The following NTRK3 variants were observed in gnomAD, a reference collection of about 807,000 sequenced individuals.
NTRK3 encodes neurotrophic receptor tyrosine kinase 3, also known as NT-3 growth factor receptor.
Under a neutral mutation model 91.7 loss-of-function variants are expected in NTRK3, and 24 were observed. That is an observed-to-expected ratio of 0.26 (90% CI 0.19 to 0.37). The LOEUF is 0.37. Among genes scored for constraint, NTRK3 ranks in the 10% least tolerant of loss-of-function variants. The pLI is 1.00. For synonymous variants in NTRK3, 483 were observed against 404.0 expected, an observed-to-expected ratio of 1.20 and a Z score of -2.34; for missense variants, 880 against 1,068.9, an observed-to-expected ratio of 0.82 and a Z score of 2.46.
chr15:88,028,844 G>T (rs2078275791), intron 14 of NTRK3, among the ~76,000 whole-genome samples: 1 of 152,132 alleles, frequency 6.6e-6, no homozygotes, highest in African/African-American at 2.4e-5. Context: ...GATTAACCAA[G>T]AAGCCTTTCA....
intron 14 of NTRK3, among the ~76,000 whole-genome samples, chr15:88,023,320 T>G (rs1030201707): frequency 2.0e-5 from 3 of 152,124 alleles, no homozygotes; most frequent in Middle Eastern, 3.2e-3. Context: ...CATCCCTCCC[T>G]CCAGAGACCT....
chr15:88,104,767 C>T lies in NTRK3; in HGVS notation c.1396+21504G>A, dbSNP rs573523761. ...CAGGGGCAGTGAGGAGAAGGCATTC[C>T]TAAACATCTCATTGGCATCAGCAGG... On this transcript the variant is annotated intron_variant, in intron 13 of 18. Coordinates refer to ENST00000394480, the Ensembl canonical transcript of NTRK3. 6.6e-5 allele frequency among the ~76,000 whole-genome samples: 10 copies of T among 152,290 alleles called. No individual in the cohort carries two copies. The East Asian group carries it at 1.7e-3, about 26-fold the overall frequency.
intron 14 of NTRK3, among the ~76,000 whole-genome samples, chr15:87,944,782 G>A (rs1455401384): frequency 6.6e-6 from 1 of 152,212 alleles, no homozygotes; most frequent in East Asian, 1.9e-4. Context: ...CAAAGCCCTG[G>A]GGAGAAGAGT....
chr15:88,041,205 C>T (rs559744816), intron 13 of NTRK3, among the ~76,000 whole-genome samples: 1 of 152,316 alleles, frequency 6.6e-6, no homozygotes, highest in South Asian at 2.1e-4. Context: ...GACCAGCCCA[C>T]ATAAAATAGC....
intron 17 of NTRK3, among the ~76,000 whole-genome samples, chr15:87,915,300 C>T (rs1429364759): frequency 6.6e-6 from 1 of 152,224 alleles, no homozygotes; most frequent in Non-Finnish European, 1.5e-5. Flanking sequence ...TTCTCTATCC[C>T]CAAGGCTCCA....
intron 14 of NTRK3, among the ~76,000 whole-genome samples, chr15:87,970,386 G>A (rs555890221): frequency 1.3e-5 from 2 of 152,374 alleles, no homozygotes; most frequent in South Asian, 2.1e-4. Context: ...GTAGAAGGCA[G>A]AAGTGAGGGC....
chr15:88,088,169 G>T (rs1421235085), intron 13 of NTRK3, among the ~76,000 whole-genome samples: 1 of 152,182 alleles, frequency 6.6e-6, no homozygotes, highest in Non-Finnish European at 1.5e-5. Flanking sequence ...GAAACCTTCT[G>T]GGCCTCAGTT....
chr15:88,032,831 G>A (rs779989703), intron 14 of NTRK3, 26 bp downstream of exon 14: 1 of 1,613,144 alleles, frequency 6.2e-7, no homozygotes, highest in East Asian at 2.2e-5. Flanking sequence ...TCCCCAGGAG[G>A]GAGAGCATTC....
At chr15:87,974,327 G>A (rs2073526132) in intron 14 of NTRK3, among the ~76,000 whole-genome samples, 1 of 152,162 alleles carries the variant, frequency 6.6e-6, no homozygotes, top group Non-Finnish European at 1.5e-5. Flanking sequence ...GGTCTTTTTA[G>A]GGTGAGCATT....
At chr15:88,205,412 C>G (rs557778727) in intron 3 of NTRK3, among the ~76,000 whole-genome samples, 2 of 152,320 alleles carry the variant, frequency 1.3e-5, no homozygotes, top group Admixed American at 1.3e-4. Context: ...AGCATCTCCC[C>G]AAGGTCCCAC....
intron 15 of NTRK3, among the ~76,000 whole-genome samples, chr15:87,937,353 T>C (rs1031826851): frequency 6.6e-6 from 1 of 152,202 alleles, no homozygotes; most frequent in Non-Finnish European, 1.5e-5. Context: ...CTAGGATGAA[T>C]GCTTTTAAAA....
At chr15:88,113,005 G>A (rs1169173809) in intron 13 of NTRK3, among the ~76,000 whole-genome samples, 1 of 152,164 alleles carries the variant, frequency 6.6e-6, no homozygotes, top group African/African-American at 2.4e-5. Context: ...CCTGGGAAGA[G>A]ATTTTGAAAT....
At chr15:88,136,435 C>A in intron 8 of NTRK3, 32 bp downstream of exon 8, 1 of 1,614,108 alleles carries the variant, frequency 6.2e-7, no homozygotes, top group Non-Finnish European at 8.5e-7. Context: ...ACTCCCTAGC[C>A]TCCTGATGGG....
At chr15:88,097,348 G>C (rs902914794) in intron 13 of NTRK3, among the ~76,000 whole-genome samples, 1 of 152,158 alleles carries the variant, frequency 6.6e-6, no homozygotes, top group Admixed American at 6.5e-5. Flanking sequence ...TATGAAGAGT[G>C]TGATTATGTA....
chr15:88,027,414 G>A (rs1332626732), intron 14 of NTRK3, among the ~76,000 whole-genome samples: 1 of 151,858 alleles, frequency 6.6e-6, no homozygotes. Flanking sequence ...ACAGAGTCTC[G>A]CTCTGTCGCC....
At chr15:87,886,561 A>G (rs1476154927) in intron 17 of NTRK3, among the ~76,000 whole-genome samples, 1 of 151,146 alleles carries the variant, frequency 6.6e-6, no homozygotes, top group Non-Finnish European at 1.5e-5. Context: ...ATGCAAATAT[A>G]TAGTGATACC....
rs539804845 is a variant in NTRK3 at position 87,891,746 on chromosome 15, C to G, written c.2134-11318G>C. Among the ~76,000 whole-genome samples the G allele has an allele frequency of 3.3e-5, 5 of 152,200 alleles. No individual in the cohort carries two copies. The East Asian group carries it at 9.7e-4, about 29-fold the overall frequency. On this transcript the variant is annotated intron_variant, in intron 17 of 18. Transcript: ENST00000394480. ...CCCACTAACCTCCTATTAATAGGCA[C>G]TTTGATTGTTTCCAGTCTTTTGTTA...
intron 3 of NTRK3, among the ~76,000 whole-genome samples, chr15:88,211,852 T>C (rs2049274894): frequency 6.6e-6 from 1 of 152,272 alleles, no homozygotes; most frequent in African/African-American, 2.4e-5. Flanking sequence ...CATGTTCTTA[T>C]ATTTCTACAA....
chr15:88,082,892 A>ATTTG (rs2048183706), intron 13 of NTRK3, among the ~76,000 whole-genome samples: 1 of 152,174 alleles, frequency 6.6e-6, no homozygotes, highest in Non-Finnish European at 1.5e-5. Flanking sequence ...CTTGCCCAAA[A>ATTTG]GGCTCTCAGG....
Sources: gnomAD v4.1 joint callset for allele counts (sites outside exome capture counted in the v4.1 genomes callset) on GRCh38, gnomAD v4.1.1 for gene constraint, MANE v1.5 for transcripts, NCBI Gene and HGNC (gene_info 2026-07-23, HGNC 2026-07-21) for gene names.